Variants in STAB2 observed in about 807,000 individuals in gnomAD.
The protein encoded by STAB2 is stabilin 2.
Under a neutral mutation model 338.1 loss-of-function variants are expected in STAB2, and 288 were observed. The observed-to-expected ratio is 0.85, with a 90% CI of 0.77 to 0.94. STAB2 has a LOEUF of 0.94. STAB2 is among the 40% of genes least tolerant of loss of function. The pLI, the probability that STAB2 is intolerant of heterozygous loss-of-function variation, is 0.00. For missense variants in STAB2, 3,141 were observed against 3,210.1 expected, an observed-to-expected ratio of 0.98 and a Z score of 0.52; for synonymous variants, 1,202 against 1,193.3, an observed-to-expected ratio of 1.01 and a Z score of -0.15.
At position 103,589,118 on chromosome 12, in the gene STAB2, G is replaced by A. The variant is rs141665215; in HGVS notation, c.81+1561G>A. Among the ~76,000 whole-genome samples, 331 of 152,298 alleles carry A rather than the reference G, an allele frequency of 2.2e-3. 2 individuals are homozygous for A. The highest frequency in any genetic ancestry group is 7.5e-3 in the African/African-American group (312 of 41,560). Reference sequence around the variant, plus strand: ...CCCTACTTATCTTCAGAGCAGTGAAGATCAAATAAGATAATACCTTTGAAT... The same window carrying A: ...CCCTACTTATCTTCAGAGCAGTGAAAATCAAATAAGATAATACCTTTGAAT... On this transcript the variant is annotated intron_variant, in intron 1 of 68. Transcript: ENST00000388887.
At chr12:103,667,737 G>T (rs1420651745) in intron 19 of STAB2, among the ~76,000 whole-genome samples, 1 of 152,306 alleles carries the variant, frequency 6.6e-6, no homozygotes, top group East Asian at 1.9e-4. Context: ...GCCTAGGAAA[G>T]TCTCATTGCC....
chr12:103,709,384 C>G (rs887938224), intron 39 of STAB2, among the ~76,000 whole-genome samples: 8 of 152,196 alleles, frequency 5.3e-5, no homozygotes, highest in Non-Finnish European at 1.0e-4. Flanking sequence ...GGACTTCTCA[C>G]TAAAGGCAAC....
intron 3 of STAB2, among the ~76,000 whole-genome samples, chr12:103,615,386 G>A (rs979021126): frequency 6.6e-6 from 1 of 152,194 alleles, no homozygotes; most frequent in African/African-American, 2.4e-5. Flanking sequence ...TAGACTATAT[G>A]TAGGTCTGAG....
chr12:103,606,060 G>T (rs775515556), intron 3 of STAB2, among the ~76,000 whole-genome samples: 3 of 151,808 alleles, frequency 2.0e-5, no homozygotes, highest in Non-Finnish European at 4.4e-5. Context: ...TGCCCTCTTT[G>T]TTTGCCTTCT....
rs752172484 is a variant in STAB2, at chr12:103,706,804, T to C, written c.4009T>C (p.Cys1337Arg). The C allele has an allele frequency of 6.2e-6, 10 of 1,614,148 alleles. No individual in the cohort carries two copies. The highest frequency in any genetic ancestry group is 1.1e-5 in the South Asian group (1 of 91,094). ...CVRTVITREC[C>R]AGFFGPQCQP... ...CCTTCTGTTTCAGACGAGAGAATGC[T>C]GTGCCGGCTTCTTTGGCCCCCAATG... is the stretch of plus-strand genomic sequence containing the variant. The change falls in exon 38 of 69, where the codon TGT becomes CGT. Residue 1337 changes from cysteine (C) to arginine (R), a missense_variant. Coordinates refer to ENST00000388887, the MANE Select transcript of STAB2 (RefSeq NM_017564.10).
chr12:103,637,432 A>G (rs1346423480), intron 7 of STAB2, among the ~76,000 whole-genome samples, 196 bp downstream of exon 7: 1 of 152,230 alleles, frequency 6.6e-6, no homozygotes, highest in Admixed American at 6.5e-5. Context: ...GAAAGCACAT[A>G]TAGAGATTTT....
chr12:103,704,165 T>TATC (rs1450182413), intron 35 of STAB2, among the ~76,000 whole-genome samples: 1 of 152,238 alleles, frequency 6.6e-6, no homozygotes, highest in Non-Finnish European at 1.5e-5. Flanking sequence ...TAGCATGTAT[T>TATC]ATCTCTGGGG....
chr12:103,588,043 C>G (rs1009417988), intron 1 of STAB2, among the ~76,000 whole-genome samples: 1 of 152,156 alleles, frequency 6.6e-6, no homozygotes, highest in African/African-American at 2.4e-5. Flanking sequence ...AGTAAAAGTT[C>G]CCAGGGAGGT....
At chr12:103,713,820 T>C in intron 42 of STAB2, 52 bp downstream of exon 42, 1 of 1,603,314 alleles carries the variant, frequency 6.2e-7, no homozygotes, top group Middle Eastern at 1.8e-4. Context: ...GTCATAGCCC[T>C]ATTAAATGAT....
At chr12:103,643,607 G>A (rs1032656849) in intron 9 of STAB2, among the ~76,000 whole-genome samples, 2 of 152,112 alleles carry the variant, frequency 1.3e-5, no homozygotes, top group African/African-American at 4.8e-5. Flanking sequence ...TAGCACAGTG[G>A]CAGTGAGCAT....
At chr12:103,707,106 T>TTCCAG in intron 38 of STAB2, 119 bp downstream of exon 38, 1 of 1,005,856 alleles carries the variant, frequency 9.9e-7, no homozygotes, top group Non-Finnish European at 1.4e-6. Context: ...TGGGCTGGAA[T>TTCCAG]CCCACCTGCT....
chr12:103,632,360 G>A (rs1159306087), intron 6 of STAB2, among the ~76,000 whole-genome samples: 1 of 152,164 alleles, frequency 6.6e-6, no homozygotes, highest in East Asian at 1.9e-4. Flanking sequence ...GGAGAAATTT[G>A]GAATGGGGTG....
intron 10 of STAB2, 104 bp downstream of exon 10, chr12:103,648,927 A>G: frequency 6.7e-7 from 1 of 1,488,012 alleles, no homozygotes; most frequent in South Asian, 1.4e-5. Context: ...CTTGTCTATT[A>G]GAATCAGCCT....
intron 63 of STAB2, among the ~76,000 whole-genome samples, chr12:103,756,222 G>A (rs949808991): frequency 2.0e-5 from 3 of 152,154 alleles, no homozygotes; most frequent in Admixed American, 6.5e-5. Flanking sequence ...TTAAAGTCAC[G>A]TCAATATTCT....
At chr12:103,712,270 C>T in intron 40 of STAB2, 97 bp from the exon 41 acceptor site, 1 of 923,884 alleles carries the variant, frequency 1.1e-6, no homozygotes. Context: ...CTCATGGGGG[C>T]AGGGGCCAGG....
At chr12:103,614,401 A>G (rs1043531466) in intron 3 of STAB2, among the ~76,000 whole-genome samples, 4 of 152,218 alleles carry the variant, frequency 2.6e-5, no homozygotes, top group African/African-American at 9.7e-5. Flanking sequence ...TGGTGGTACA[A>G]TTTAGGAGCT....
chr12:103,594,348 C>G, intron 2 of STAB2, 47 bp from the exon 3 acceptor site: 10 of 1,388,524 alleles, frequency 7.2e-6, no homozygotes, highest in Non-Finnish European at 9.2e-6. Flanking sequence ...CCTAGAGTAA[C>G]TGCATTGCTC....
intron 46 of STAB2, among the ~76,000 whole-genome samples, chr12:103,726,469 T>G (rs1416313622): frequency 6.6e-6 from 1 of 152,142 alleles, no homozygotes; most frequent in Non-Finnish European, 1.5e-5. Flanking sequence ...CCAGCCTAGG[T>G]GACAGAGTGA....
At chr12:103,757,210 T>A (rs2139221440) in intron 63 of STAB2, among the ~76,000 whole-genome samples, 1 of 151,762 alleles carries the variant, frequency 6.6e-6, no homozygotes, top group Non-Finnish European at 1.5e-5. Context: ...CACCCCAGCC[T>A]CCAGAGCAGC....
Sources: gnomAD v4.1 joint callset for allele counts (sites outside exome capture counted in the v4.1 genomes callset) on GRCh38, gnomAD v4.1.1 for gene constraint, MANE v1.5 for transcripts, NCBI Gene and HGNC (gene_info 2026-07-23, HGNC 2026-07-21) for gene names.